Variants in DAB1 observed in about 807,000 individuals in gnomAD.
DAB1 encodes DAB adaptor protein 1, also known as disabled homolog 1.
In DAB1, 15 loss-of-function variants were observed where a neutral mutation model predicts 64.6. That is an observed-to-expected ratio of 0.23 (90% CI 0.16 to 0.36). The LOEUF (loss-of-function observed/expected upper bound fraction) is 0.36, where lower values mean the gene tolerates loss of function less well. Among genes scored for constraint, DAB1 ranks in the 10% least tolerant of loss-of-function variants. The pLI, the probability that DAB1 is intolerant of heterozygous loss-of-function variation, is 1.00. For missense variants in DAB1, 596 were observed against 706.7 expected, an observed-to-expected ratio of 0.84 and a Z score of 1.78; for synonymous variants, 235 against 251.9, an observed-to-expected ratio of 0.93 and a Z score of 0.64.
At chr1:57,007,365 C>T (rs1330147585) in intron 14 of DAB1, among the ~76,000 whole-genome samples, 4 of 152,272 alleles carry the variant, frequency 2.6e-5, no homozygotes, top group South Asian at 2.1e-4. Context: ...GCTAACATTT[C>T]GTCCTCAAAA....
At chr1:57,972,700 A>G (rs1424973238) in intron 5 of DAB1, among the ~76,000 whole-genome samples, 2 of 152,212 alleles carry the variant, frequency 1.3e-5, no homozygotes, top group African/African-American at 4.8e-5. Flanking sequence ...CTGGATTTGG[A>G]GAGAAAAACA....
At chr1:57,648,655 C>T (rs573530283) in intron 7 of DAB1, among the ~76,000 whole-genome samples, 30 of 152,198 alleles carry the variant, frequency 2.0e-4, no homozygotes, top group Non-Finnish European at 3.7e-4. Context: ...TAACAAATAG[C>T]TCCCACTCAT....
chr1:58,470,681 A>G (rs563565312), intron 3 of DAB1, among the ~76,000 whole-genome samples: 1 of 152,258 alleles, frequency 6.6e-6, no homozygotes, highest in Admixed American at 6.5e-5. Context: ...TCTATTCCAG[A>G]ACACGTTTAT....
chr1:58,425,074 T>C (rs897413432), intron 3 of DAB1, among the ~76,000 whole-genome samples: 1 of 152,224 alleles, frequency 6.6e-6, no homozygotes, highest in African/African-American at 2.4e-5. Flanking sequence ...TTTCAGATAT[T>C]GTTTGAAATA....
At chr1:57,236,885 T>A (rs1668123608) in intron 2 of DAB1, among the ~76,000 whole-genome samples, 1 of 152,160 alleles carries the variant, frequency 6.6e-6, no homozygotes, top group African/African-American at 2.4e-5. Flanking sequence ...TAGGACTCCA[T>A]CGTGAGGGAA....
intron 7 of DAB1, among the ~76,000 whole-genome samples, chr1:57,597,733 G>A (rs969544182): frequency 1.3e-5 from 2 of 152,100 alleles, no homozygotes; most frequent in East Asian, 3.9e-4. Flanking sequence ...TTAATACAGA[G>A]AAGAAAAAAG....
intron 9 of DAB1, among the ~76,000 whole-genome samples, chr1:57,048,511 T>C (rs985586059): frequency 5.9e-5 from 9 of 152,332 alleles, no homozygotes; most frequent in African/African-American, 1.9e-4. Context: ...AATAATGAAG[T>C]CTTAGATGGG....
At chr1:58,327,001 G>A (rs1430001288) in intron 4 of DAB1, among the ~76,000 whole-genome samples, 2 of 152,220 alleles carry the variant, frequency 1.3e-5, no homozygotes, top group Admixed American at 6.5e-5. Flanking sequence ...TTTTTAAAGA[G>A]AGGGAATAAT....
chr1:57,394,075 A>C (rs143389609), intron 1 of DAB1, among the ~76,000 whole-genome samples: 1 of 152,318 alleles, frequency 6.6e-6, no homozygotes, highest in African/African-American at 2.4e-5. Context: ...TGTTTATATG[A>C]GCGGGTTTCT....
At chr1:58,264,874 G>A (rs1012813381) in intron 4 of DAB1, among the ~76,000 whole-genome samples, 1 of 152,182 alleles carries the variant, frequency 6.6e-6, no homozygotes, top group Non-Finnish European at 1.5e-5. Flanking sequence ...TCAGTTAGCT[G>A]TATCTCTCAT....
chr1:57,793,983 G>A (rs1290588285), intron 6 of DAB1, among the ~76,000 whole-genome samples: 1 of 152,162 alleles, frequency 6.6e-6, no homozygotes, highest in Non-Finnish European at 1.5e-5. Flanking sequence ...TGCCAGGAGT[G>A]AGAGACAGCT....
At chr1:57,115,354 A>T (rs1396121301) in intron 4 of DAB1, among the ~76,000 whole-genome samples, 1 of 152,188 alleles carries the variant, frequency 6.6e-6, no homozygotes, top group African/African-American at 2.4e-5. Context: ...AGTACTTAGC[A>T]TGGGGTTGTC....
intron 2 of DAB1, among the ~76,000 whole-genome samples, chr1:57,170,403 A>C (rs931933540): frequency 6.6e-6 from 1 of 152,234 alleles, no homozygotes; most frequent in African/African-American, 2.4e-5. Flanking sequence ...TGTTTGGCAC[A>C]TAATAAGTGT....
intron 2 of DAB1, among the ~76,000 whole-genome samples, chr1:57,156,293 A>G (rs1042395314): frequency 3.3e-5 from 5 of 151,812 alleles, no homozygotes; most frequent in Non-Finnish European, 4.4e-5. Flanking sequence ...TTATTCTCTC[A>G]CCTCATTTGT....
intron 6 of DAB1, among the ~76,000 whole-genome samples, chr1:57,656,073 C>T (rs1646315250): frequency 6.6e-6 from 1 of 152,090 alleles, no homozygotes; most frequent in Admixed American, 6.5e-5. Flanking sequence ...AATTAGTGCC[C>T]TTATACAAGG....
At chr1:57,011,344 A>G in intron 12 of DAB1, 72 bp from the exon 13 acceptor site, 3 of 1,559,452 alleles carry the variant, frequency 1.9e-6, no homozygotes, top group Non-Finnish European at 2.6e-6. Flanking sequence ...AAGAAACCTC[A>G]GGAATCTGCT....
At chr1:57,141,916 T>A (rs996826916) in intron 3 of DAB1, among the ~76,000 whole-genome samples, 22 of 152,146 alleles carry the variant, frequency 1.4e-4, no homozygotes, top group African/African-American at 5.3e-4. Context: ...ACAGGCCCTC[T>A]TGGTGTCTGG....
chr1:57,119,342 T>C (rs1458225647), intron 4 of DAB1, among the ~76,000 whole-genome samples: 2 of 152,178 alleles, frequency 1.3e-5, no homozygotes, highest in East Asian at 1.9e-4. Flanking sequence ...ATTTTTTTAA[T>C]GCCAGTGATT....
intron 7 of DAB1, among the ~76,000 whole-genome samples, chr1:57,542,883 C>A (rs975520951): frequency 6.6e-6 from 1 of 152,268 alleles, no homozygotes; most frequent in South Asian, 2.1e-4. Flanking sequence ...AAAAGCCCTG[C>A]AGCTTCCATG....
Sources: allele counts gnomAD v4.1 joint callset (sites outside exome capture counted in the v4.1 genomes callset), GRCh38; gene constraint gnomAD v4.1.1; transcripts MANE v1.5; gene names NCBI Gene and HGNC (gene_info 2026-07-23, HGNC 2026-07-21).